The following DNAJC17 variants were observed in gnomAD, a reference collection of about 807,000 sequenced individuals.
The protein encoded by DNAJC17 is DnaJ heat shock protein family (Hsp40) member C17, also known as dnaJ homolog subfamily C member 17.
In DNAJC17, 35 loss-of-function variants were observed where a neutral mutation model predicts 48.1. The observed-to-expected ratio is 0.73, with a 90% CI of 0.56 to 0.96. The LOEUF is 0.96. DNAJC17 is among the 50% of genes least tolerant of loss of function. DNAJC17 has a pLI of 0.00. For synonymous variants in DNAJC17, 117 were observed against 142.7 expected (o/e 0.82, Z 1.28); for missense variants, 355 against 377.1 (o/e 0.94, Z 0.48).
At chr15:40,789,374 C>T (rs1340125844) in intron 1 of DNAJC17, among the ~76,000 whole-genome samples, 1 of 151,392 alleles carries the variant, frequency 6.6e-6, no homozygotes, top group Non-Finnish European at 1.5e-5. Context: ...TCCCTCCTAT[C>T]CTGCTCTCCT....
At chr15:40,773,080 C>T (rs1420671469) in intron 10 of DNAJC17, among the ~76,000 whole-genome samples, 1 of 151,876 alleles carries the variant, frequency 6.6e-6, no homozygotes, top group Non-Finnish European at 1.5e-5. Context: ...CCTGCCTCAG[C>T]CTCCTGAGTA....
chr15:40,799,224 CAAAAAAAAAA>C (rs34609538), intron 1 of DNAJC17, among the ~76,000 whole-genome samples: 1 of 44,368 alleles, frequency 2.3e-5, no homozygotes, highest in African/African-American at 8.1e-5. Flanking sequence ...GACTCCATCT[CAAAAAAAAAA>C]AAAAAAAAAA....
intron 7 of DNAJC17, 125 bp from the exon 8 acceptor site, chr15:40,775,233 G>A (rs753152433): frequency 2.8e-6 from 3 of 1,063,606 alleles, no homozygotes; most frequent in Non-Finnish European, 4.2e-6. Flanking sequence ...GCAATCTGGG[G>A]AGTGCCACCA....
chr15:40,789,712 C>T (rs966835461), intron 1 of DNAJC17, among the ~76,000 whole-genome samples: 1 of 151,776 alleles, frequency 6.6e-6, no homozygotes, highest in Admixed American at 6.6e-5. Flanking sequence ...CTGGTACTTC[C>T]TACACCTCAT....
At chr15:40,798,861 C>T (rs1890002530) in intron 1 of DNAJC17, among the ~76,000 whole-genome samples, 1 of 152,176 alleles carries the variant, frequency 6.6e-6, no homozygotes, top group East Asian at 1.9e-4. Context: ...ACAGCGTTAA[C>T]TCACGACTTA....
At chr15:40,796,463 A>C (rs1474636522) in intron 1 of DNAJC17, among the ~76,000 whole-genome samples, 1 of 152,228 alleles carries the variant, frequency 6.6e-6, no homozygotes, top group Non-Finnish European at 1.5e-5. Flanking sequence ...CTGCCCAGAG[A>C]AAGAATTTTC....
At chr15:40,789,927 A>AAG (rs1889751021) in intron 1 of DNAJC17, among the ~76,000 whole-genome samples, 2 of 149,428 alleles carry the variant, frequency 1.3e-5, no homozygotes, top group South Asian at 2.1e-4. Context: ...AAAAAAAAAA[A>AAG]AAAAGAAAAG....
intron 1 of DNAJC17, among the ~76,000 whole-genome samples, chr15:40,796,791 C>T (rs780079504): frequency 6.6e-6 from 1 of 152,208 alleles, no homozygotes; most frequent in Non-Finnish European, 1.5e-5. Context: ...GACCCAATCT[C>T]ACTCTGTCAC....
intron 9 of DNAJC17, 72 bp downstream of exon 9, chr15:40,774,284 G>A (rs1889252765): frequency 1.3e-6 from 2 of 1,528,328 alleles, no homozygotes; most frequent in African/African-American, 1.4e-5. Flanking sequence ...AACTCAGAGG[G>A]CCCACAGAAT....
chr15:40,791,371 T>TA (rs947963717), intron 1 of DNAJC17, among the ~76,000 whole-genome samples: 4 of 151,458 alleles, frequency 2.6e-5, no homozygotes, highest in African/African-American at 7.3e-5. Context: ...CTACTAAAAA[T>TA]ACAAAAATTA....
chr15:40,783,485 C>T (rs1224958942), intron 1 of DNAJC17, among the ~76,000 whole-genome samples: 1 of 152,180 alleles, frequency 6.6e-6, no homozygotes, highest in Non-Finnish European at 1.5e-5. Flanking sequence ...AGATGAACTT[C>T]CTCAGGACTA....
At position 40,804,612 on chromosome 15, in the gene DNAJC17, T is replaced by TA. The variant is rs555728082; in HGVS notation, c.78+2756dup. ...TTTTCTCAAAAAATAGACATAAAAA[T>TA]AAAAAAAAAATAAAATCTGATTATG... On this transcript the variant is annotated intron_variant, in intron 1 of 10. Coordinates refer to ENST00000220496, the MANE Select transcript of DNAJC17 (RefSeq NM_018163.3). Among the ~76,000 whole-genome samples, 570 of 148,694 alleles carry TA rather than the reference T, an allele frequency of 3.8e-3. 1 individual carries two copies. Among genetic ancestry groups the TA allele is most frequent in the Non-Finnish European group, 4.5e-3 (302 of 66,878 alleles).
chr15:40,789,608 T>TA (rs1244579568), intron 1 of DNAJC17, among the ~76,000 whole-genome samples: 1 of 151,862 alleles, frequency 6.6e-6, no homozygotes, highest in African/African-American at 2.4e-5. Context: ...CTGTCACTCT[T>TA]AACTCCTAGA....
chr15:40,803,907 C>G (rs1382797144), intron 1 of DNAJC17, among the ~76,000 whole-genome samples: 1 of 152,152 alleles, frequency 6.6e-6, no homozygotes, highest in Non-Finnish European at 1.5e-5. Flanking sequence ...CATCTGACCC[C>G]CTAGTGGCAG....
intron 1 of DNAJC17, among the ~76,000 whole-genome samples, chr15:40,798,947 CG>C (rs1238267095): frequency 1.3e-5 from 2 of 152,088 alleles, no homozygotes; most frequent in Non-Finnish European, 2.9e-5. Context: ...TGGCTGGGCG[CG>C]GTGGCTCACG....
chr15:40,796,659 A>T (rs1396309964), intron 1 of DNAJC17, among the ~76,000 whole-genome samples: 2 of 152,256 alleles, frequency 1.3e-5, no homozygotes, highest in Non-Finnish European at 2.9e-5. Context: ...TGGGAAGGTT[A>T]AATGGCACAG....
intron 1 of DNAJC17, among the ~76,000 whole-genome samples, chr15:40,796,465 A>G (rs181440259): frequency 2.4e-4 from 36 of 152,372 alleles, no homozygotes; most frequent in Admixed American, 1.1e-3. Context: ...GCCCAGAGAA[A>G]GAATTTTCTA....
chr15:40,786,338 A>G (rs1468946423), intron 1 of DNAJC17, among the ~76,000 whole-genome samples: 2 of 152,202 alleles, frequency 1.3e-5, no homozygotes, highest in Non-Finnish European at 2.9e-5. Flanking sequence ...GACTGCTGAA[A>G]GCCAGGTATC....
At chr15:40,774,517 C>T (rs2141948019) in intron 8 of DNAJC17, 81 bp from the exon 9 acceptor site, 2 of 1,495,176 alleles carry the variant, frequency 1.3e-6, no homozygotes, top group Non-Finnish European at 1.9e-6. Context: ...GCCTGGGCTA[C>T]CTTGAGGCCC....
Sources: gnomAD v4.1 joint callset for allele counts (sites outside exome capture counted in the v4.1 genomes callset) on GRCh38, gnomAD v4.1.1 for gene constraint, MANE v1.5 for transcripts, NCBI Gene and HGNC (gene_info 2026-07-23, HGNC 2026-07-21) for gene names.